The following NKAIN2 variants were observed in gnomAD, a reference collection of about 807,000 sequenced individuals.
NKAIN2 encodes the protein sodium/potassium-transporting ATPase subunit beta-1-interacting protein 2.
In NKAIN2, 14 loss-of-function variants were observed where a neutral mutation model predicts 32.6. The observed-to-expected ratio is 0.43, with a 90% CI of 0.28 to 0.67. The LOEUF is 0.67. NKAIN2 is among the 30% of genes least tolerant of loss of function. The probability of loss-of-function intolerance (pLI) is 0.17; values close to 1 mark genes in which losing one functional copy is unlikely to be tolerated. For missense variants in NKAIN2, 198 were observed against 258.3 expected (o/e 0.77, Z 1.60); for synonymous variants, 80 against 87.2 (o/e 0.92, Z 0.46).
intron 3 of NKAIN2, among the ~76,000 whole-genome samples, chr6:124,518,935 C>A (rs929470366): frequency 2.1e-4 from 32 of 152,100 alleles, no homozygotes; most frequent in African/African-American, 7.5e-4. Flanking sequence ...TATAGAGCAC[C>A]ATTCACTCCA....
At chr6:123,852,221 T>C (rs1007118255) in intron 1 of NKAIN2, among the ~76,000 whole-genome samples, 14 of 152,220 alleles carry the variant, frequency 9.2e-5, no homozygotes, top group African/African-American at 2.9e-4. Flanking sequence ...TCTTTTGATA[T>C]ATGTATACAT....
intron 1 of NKAIN2, among the ~76,000 whole-genome samples, chr6:123,918,105 G>T (rs1775581727): frequency 6.6e-6 from 1 of 151,858 alleles, no homozygotes; most frequent in African/African-American, 2.4e-5. Flanking sequence ...TGTATTTGTG[G>T]GATATATAAT....
intron 4 of NKAIN2, among the ~76,000 whole-genome samples, chr6:124,765,579 A>G (rs1778475938): frequency 6.6e-6 from 1 of 152,204 alleles, no homozygotes; most frequent in Admixed American, 6.5e-5. Context: ...GCTCAGGCTG[A>G]GATAAGGTCA....
chr6:123,925,682 A>G (rs1775974859), intron 1 of NKAIN2, among the ~76,000 whole-genome samples: 1 of 152,164 alleles, frequency 6.6e-6, no homozygotes, highest in African/African-American at 2.4e-5. Context: ...CTCTGACTAC[A>G]TTATTGAGGG....
intron 2 of NKAIN2, among the ~76,000 whole-genome samples, chr6:124,291,598 A>G (rs757552693): frequency 2.2e-4 from 34 of 151,972 alleles, no homozygotes; most frequent in East Asian, 1.9e-4. Flanking sequence ...CAGGAATCTC[A>G]TCAAGCAGCC....
intron 4 of NKAIN2, among the ~76,000 whole-genome samples, chr6:124,760,770 C>A (rs542396185): frequency 9.2e-4 from 140 of 152,246 alleles, no homozygotes; most frequent in Middle Eastern, 6.8e-3. Context: ...TCCACATCTG[C>A]AATAGCAATG....
At chr6:124,727,270 T>C (rs1776375720) in intron 4 of NKAIN2, among the ~76,000 whole-genome samples, 1 of 151,420 alleles carries the variant, frequency 6.6e-6, no homozygotes, top group East Asian at 2.0e-4. Flanking sequence ...TTCACCAAAG[T>C]TGAAATGAAG....
intron 4 of NKAIN2, among the ~76,000 whole-genome samples, chr6:124,684,218 A>T (rs1454186169): frequency 6.6e-6 from 1 of 152,214 alleles, no homozygotes; most frequent in Admixed American, 6.6e-5. Context: ...TGTTTGCATG[A>T]ATCTGTTGAA....
intron 4 of NKAIN2, among the ~76,000 whole-genome samples, chr6:124,780,239 A>G (rs1381073557): frequency 6.6e-6 from 1 of 152,166 alleles, no homozygotes; most frequent in East Asian, 1.9e-4. Flanking sequence ...GGGTAGTAGA[A>G]ATATTCTTGG....
At chr6:124,313,362 G>T (rs1796803551) in intron 2 of NKAIN2, among the ~76,000 whole-genome samples, 1 of 151,708 alleles carries the variant, frequency 6.6e-6, no homozygotes, top group South Asian at 2.1e-4. Context: ...GATATCTATT[G>T]CCTGTCCCTT....
intron 1 of NKAIN2, among the ~76,000 whole-genome samples, chr6:123,930,962 T>G (rs1776226743): frequency 6.6e-6 from 1 of 152,138 alleles, no homozygotes; most frequent in East Asian, 1.9e-4. Context: ...TCTCAGGTGA[T>G]TTCAGGAGGA....
intron 4 of NKAIN2, among the ~76,000 whole-genome samples, chr6:124,664,250 G>A (rs1344557590): frequency 6.6e-6 from 1 of 151,342 alleles, no homozygotes; most frequent in African/African-American, 2.4e-5. Flanking sequence ...ACTCCAGCCT[G>A]GGCGAGACAG....
chr6:124,203,274 G>T (rs1039591575), intron 1 of NKAIN2, among the ~76,000 whole-genome samples: 3 of 151,690 alleles, frequency 2.0e-5, no homozygotes, highest in African/African-American at 7.3e-5. Context: ...ATATCCAATG[G>T]CTGATTTTAG....
intron 4 of NKAIN2, among the ~76,000 whole-genome samples, chr6:124,783,733 C>T (rs1465321892): frequency 6.6e-6 from 1 of 152,158 alleles, no homozygotes; most frequent in Admixed American, 6.6e-5. Context: ...GATATAATCA[C>T]ATTTGAATCC....
intron 1 of NKAIN2, among the ~76,000 whole-genome samples, chr6:123,873,029 G>A (rs1204034579): frequency 2.6e-5 from 4 of 152,136 alleles, no homozygotes; most frequent in Non-Finnish European, 4.4e-5. Context: ...TTAAAACTTT[G>A]AGCAAGATGG....
rs557437679 is a variant in NKAIN2 at position 123,912,801 on chromosome 6, A to T, written c.54+108547A>T. Among the ~76,000 whole-genome samples, 3 of 152,204 alleles carry T rather than the reference A, an allele frequency of 2.0e-5. No individual in the cohort carries two copies. In the East Asian group the frequency reaches 5.8e-4, roughly 29 times the overall value. The stretch of plus-strand genomic sequence containing the variant: ...AATAAATCCCTTTTTTAAATAAATT[A>T]TTCAGCCTCAGGTATTCCTTTATAG... On this transcript the variant is annotated intron_variant, in intron 1 of 6. Transcript: ENST00000368417.
intron 3 of NKAIN2, among the ~76,000 whole-genome samples, chr6:124,360,210 C>T (rs984735882): frequency 5.9e-5 from 9 of 152,248 alleles, no homozygotes. Context: ...CGATGTTCAT[C>T]AGGGATATTG....
intron 3 of NKAIN2, among the ~76,000 whole-genome samples, chr6:124,621,581 G>C (rs1357822074): frequency 6.6e-6 from 1 of 152,156 alleles, no homozygotes; most frequent in African/African-American, 2.4e-5. Flanking sequence ...AAAGTGTCAT[G>C]TGGCTCTGCT....
At chr6:124,083,193 A>G (rs1447139571) in intron 1 of NKAIN2, among the ~76,000 whole-genome samples, 1 of 151,896 alleles carries the variant, frequency 6.6e-6, no homozygotes, top group African/African-American at 2.4e-5. Flanking sequence ...TTTTTTTATT[A>G]CTAGCTGTGA....
Sources: gnomAD v4.1 joint callset for allele counts (sites outside exome capture counted in the v4.1 genomes callset) on GRCh38, gnomAD v4.1.1 for gene constraint, MANE v1.5 for transcripts, NCBI Gene and HGNC (gene_info 2026-07-23, HGNC 2026-07-21) for gene names.